Variants in TOX observed in about 807,000 individuals in gnomAD.
TOX encodes the protein thymocyte selection associated high mobility group box.
A neutral mutation model predicts 53.7 loss-of-function variants in TOX; 11 were observed. The ratio of observed to expected loss-of-function variants is 0.20; its 90% CI spans 0.13 to 0.34. TOX has a LOEUF of 0.34. Among genes scored for constraint, TOX ranks in the 10% least tolerant of loss-of-function variants. The pLI is 1.00. For synonymous variants in TOX, 225 were observed against 245.3 expected, an observed-to-expected ratio of 0.92 and a Z score of 0.77; for missense variants, 570 against 664.6, an observed-to-expected ratio of 0.86 and a Z score of 1.56.
At chr8:58,923,161 C>T (rs1333786544) in intron 3 of TOX, among the ~76,000 whole-genome samples, 4 of 151,966 alleles carry the variant, frequency 2.6e-5, no homozygotes, top group Non-Finnish European at 5.9e-5. Context: ...TTAATATATG[C>T]TAAAAAGGTC....
At chr8:58,831,307 C>G in intron 5 of TOX, among the ~76,000 whole-genome samples, 1 of 152,124 alleles carries the variant, frequency 6.6e-6, no homozygotes. Context: ...GTTATGCTTA[C>G]CAATCTATTG....
At chr8:58,944,538 T>C (rs16924316) in intron 2 of TOX, among the ~76,000 whole-genome samples, 27,990 of 152,192 alleles carry the variant, frequency 0.18, 2,959 homozygotes, top group East Asian at 0.28. Flanking sequence ...CTGTTAAGAA[T>C]GGCCACTGTG....
chr8:58,990,087 C>A (rs1813412821), intron 1 of TOX, among the ~76,000 whole-genome samples: 1 of 152,164 alleles, frequency 6.6e-6, no homozygotes, highest in Non-Finnish European at 1.5e-5. Flanking sequence ...TCCCACTGTC[C>A]CAAGCTCTTT....
At chr8:59,014,512 T>G (rs977214290) in intron 1 of TOX, among the ~76,000 whole-genome samples, 2 of 152,234 alleles carry the variant, frequency 1.3e-5, no homozygotes, top group Non-Finnish European at 2.9e-5. Context: ...TAGCTAGAAC[T>G]GGAAAGCTTC....
At chr8:58,877,858 TA>T (rs76496222) in intron 3 of TOX, among the ~76,000 whole-genome samples, 16,080 of 147,324 alleles carry the variant, frequency 0.11, 1,680 homozygotes, top group African/African-American at 0.28. Context: ...GCCTACATAT[TA>T]AAAAAAAAAA....
At chr8:59,021,403 C>T (rs1814127670) in intron 1 of TOX, among the ~76,000 whole-genome samples, 2 of 140,360 alleles carry the variant, frequency 1.4e-5, no homozygotes, top group Non-Finnish European at 1.5e-5. Flanking sequence ...ATACTGCCAT[C>T]TGTTGTCAGG....
At chr8:58,898,653 T>C (rs1411762459) in intron 3 of TOX, among the ~76,000 whole-genome samples, 2 of 152,170 alleles carry the variant, frequency 1.3e-5, no homozygotes, top group Admixed American at 1.3e-4. Context: ...GCTCACACTT[T>C]TGCTTGAGTC....
intron 7 of TOX, among the ~76,000 whole-genome samples, chr8:58,812,619 A>C (rs925727265): frequency 1.3e-5 from 2 of 152,098 alleles, no homozygotes; most frequent in African/African-American, 4.8e-5. Context: ...AAAGTCTGGA[A>C]TTCTGTCTTC....
chr8:58,881,155 T>C (rs540130153), intron 3 of TOX, among the ~76,000 whole-genome samples: 1 of 152,210 alleles, frequency 6.6e-6, no homozygotes, highest in South Asian at 2.1e-4. Context: ...ATTTCCAAAG[T>C]AATGAAAATG....
At chr8:59,031,120 A>G (rs574923630) in intron 1 of TOX, among the ~76,000 whole-genome samples, 2 of 152,342 alleles carry the variant, frequency 1.3e-5, no homozygotes, top group South Asian at 4.1e-4. Flanking sequence ...ACAGGTGAGC[A>G]AGAAAGACCA....
chr8:58,826,375 G>A (rs1024444417), intron 6 of TOX, among the ~76,000 whole-genome samples: 10 of 152,096 alleles, frequency 6.6e-5, no homozygotes, highest in Non-Finnish European at 1.0e-4. Context: ...ATTTTTAAGC[G>A]GTGTTTTTAT....
At chr8:58,950,519 A>G (rs1292659725) in intron 2 of TOX, among the ~76,000 whole-genome samples, 4 of 152,174 alleles carry the variant, frequency 2.6e-5, no homozygotes, top group African/African-American at 9.7e-5. Context: ...GCATCTCTCT[A>G]AATACTGGAG....
At chr8:58,849,398 A>C (rs1000836754) in intron 4 of TOX, among the ~76,000 whole-genome samples, 2 of 152,204 alleles carry the variant, frequency 1.3e-5, no homozygotes, top group Non-Finnish European at 2.9e-5. Flanking sequence ...ATGCTTACAC[A>C]GTCCACTAAA....
intron 1 of TOX, among the ~76,000 whole-genome samples, chr8:58,997,942 G>T (rs182329743): frequency 6.6e-6 from 1 of 151,964 alleles, no homozygotes; most frequent in Non-Finnish European, 1.5e-5. Context: ...ACAGGTGCCC[G>T]CCACCATGCC....
intron 1 of TOX, among the ~76,000 whole-genome samples, chr8:59,043,772 C>G (rs1803638199): frequency 6.6e-6 from 1 of 152,210 alleles, no homozygotes; most frequent in African/African-American, 2.4e-5. Flanking sequence ...TATCATGCTT[C>G]CAGTACAGCG....
chr8:58,896,827 C>CCATTA lies in TOX; in HGVS notation c.411+42470_411+42474dup, dbSNP rs1302894072. On this transcript the variant is annotated intron_variant, in intron 3 of 8. Coordinates refer to ENST00000361421, the MANE Select transcript of TOX (RefSeq NM_014729.3). ...ATGGGCCACACAATAGGCAAGATAC[C>CCATTA]CATTATTTAGTTACTCACTCTTCTG... Among the ~76,000 whole-genome samples, 3 of 152,136 alleles carry CCATTA rather than the reference C, an allele frequency of 2.0e-5. No homozygotes were observed. In the East Asian group the frequency reaches 5.8e-4, roughly 29 times the overall value.
intron 1 of TOX, among the ~76,000 whole-genome samples, chr8:58,990,619 G>GCA (rs974867546): frequency 1.6e-4 from 24 of 152,170 alleles, no homozygotes; most frequent in African/African-American, 4.8e-4. Flanking sequence ...ATTCTACAGT[G>GCA]CAGAATTAAT....
intron 3 of TOX, among the ~76,000 whole-genome samples, chr8:58,881,446 C>T (rs1471666655): frequency 6.6e-6 from 1 of 152,090 alleles, no homozygotes; most frequent in Non-Finnish European, 1.5e-5. Flanking sequence ...AGAGTAAGGC[C>T]AGGTGCTGTG....
chr8:59,042,614 T>C (rs1474879810), intron 1 of TOX, among the ~76,000 whole-genome samples: 6 of 152,208 alleles, frequency 3.9e-5, no homozygotes, highest in African/African-American at 7.2e-5. Flanking sequence ...TCTTATAACA[T>C]AGCTTGTAAT....
Sources: gnomAD v4.1 joint callset for allele counts (sites outside exome capture counted in the v4.1 genomes callset) on GRCh38, gnomAD v4.1.1 for gene constraint, MANE v1.5 for transcripts, NCBI Gene and HGNC (gene_info 2026-07-23, HGNC 2026-07-21) for gene names.